Variants in ZNF420 observed in about 807,000 individuals in gnomAD.
The protein encoded by ZNF420 is ATM and p53-associated KZNF protein.
ZNF420 carries 31 observed loss-of-function variants against 44.7 expected under a neutral mutation model. The ratio of observed to expected loss-of-function variants is 0.69; its 90% CI spans 0.52 to 0.94. ZNF420 has a LOEUF of 0.94. Ranked by LOEUF, ZNF420 falls within the 40% of genes least tolerant of loss-of-function variation. The pLI, the probability that ZNF420 is intolerant of heterozygous loss-of-function variation, is 0.00. For synonymous variants in ZNF420, 245 were observed against 267.4 expected, an observed-to-expected ratio of 0.92 and a Z score of 0.82; for missense variants, 681 against 827.9, an observed-to-expected ratio of 0.82 and a Z score of 2.18.
At chr19:37,036,486 C>T (rs1349304970) in intron 1 of ZNF420, among the ~76,000 whole-genome samples, 1 of 152,188 alleles carries the variant, frequency 6.6e-6, no homozygotes, top group Non-Finnish European at 1.5e-5. Flanking sequence ...AGCACTGAGC[C>T]AGCAGGAAGG....
At chr19:37,017,678 TAA>T (rs1465970085) in intron 1 of ZNF420, among the ~76,000 whole-genome samples, 1 of 152,146 alleles carries the variant, frequency 6.6e-6, no homozygotes, top group Non-Finnish European at 1.5e-5. Context: ...GTCAACATAA[TAA>T]AAGTTTTATG....
At chr19:37,056,751 C>T (rs1967760792) in intron 1 of ZNF420, among the ~76,000 whole-genome samples, 1 of 152,222 alleles carries the variant, frequency 6.6e-6, no homozygotes, top group African/African-American at 2.4e-5. Context: ...AATCCAAAGA[C>T]CCGAGCAGGC....
At chr19:37,108,395 G>T (rs1970212212) in intron 4 of ZNF420, 1 of 152,304 alleles carries the variant, frequency 6.6e-6, no homozygotes, top group South Asian at 2.1e-4. Context: ...GCTGCCAATT[G>T]AAAGTTGAAT....
chr19:37,055,900 C>T (rs1967742430), intron 1 of ZNF420, among the ~76,000 whole-genome samples: 1 of 152,148 alleles, frequency 6.6e-6, no homozygotes, highest in South Asian at 2.1e-4. Context: ...AAAAGTCGTG[C>T]CCCACATCAT....
intron 4 of ZNF420, among the ~76,000 whole-genome samples, chr19:37,112,108 T>C (rs1256424080): frequency 6.6e-6 from 1 of 152,028 alleles, no homozygotes; most frequent in Non-Finnish European, 1.5e-5. Flanking sequence ...GGTTTTTCTG[T>C]TTTCCAAGTT....
chr19:37,102,352 G>A lies in ZNF420; in HGVS notation c.136+11231G>A, dbSNP rs191130613. On this transcript the variant is annotated intron_variant, in intron 4 of 4. Transcript: ENST00000337995. ...TCTTACTCTGGATCCTTGTATGAGC[G>A]GTTCTGAGCTGGCACCCCCAGCTGA... Among the ~76,000 whole-genome samples, 203 of 152,262 alleles carry A rather than the reference G, an allele frequency of 1.3e-3. 3 individuals are homozygous for A. The South Asian group carries it at 0.023, about 17-fold the overall frequency.
chr19:37,044,986 G>C (rs1261984472), intron 1 of ZNF420, among the ~76,000 whole-genome samples: 3 of 152,056 alleles, frequency 2.0e-5, no homozygotes, highest in East Asian at 3.9e-4. Flanking sequence ...ACCAAAATGG[G>C]GGCATTGGTG....
At chr19:37,116,404 C>T (rs539991626) in intron 4 of ZNF420, among the ~76,000 whole-genome samples, 51 of 150,772 alleles carry the variant, frequency 3.4e-4, no homozygotes, top group Non-Finnish European at 5.6e-4. Context: ...TGCACCATTT[C>T]GCCTCATCTC....
intron 4 of ZNF420, among the ~76,000 whole-genome samples, chr19:37,117,531 C>T (rs1212355204): frequency 6.6e-6 from 1 of 152,090 alleles, no homozygotes; most frequent in Non-Finnish European, 1.5e-5. Flanking sequence ...AAAAACAGAG[C>T]AGAAAAACTG....
chr19:37,056,234 C>T (rs1967751877), intron 1 of ZNF420, among the ~76,000 whole-genome samples: 1 of 152,126 alleles, frequency 6.6e-6, no homozygotes, highest in Non-Finnish European at 1.5e-5. Flanking sequence ...CCTCTTCGCT[C>T]CTCTGACAGG....
chr19:37,105,803 A>G (rs1970045656), intron 4 of ZNF420, among the ~76,000 whole-genome samples: 1 of 152,174 alleles, frequency 6.6e-6, no homozygotes, highest in Non-Finnish European at 1.5e-5. Context: ...AGTAATTGTG[A>G]ATGGGAGTTC....
At chr19:37,090,943 A>C (rs1969102666) in intron 3 of ZNF420, 52 bp from the exon 4 acceptor site, 2 of 1,581,728 alleles carry the variant, frequency 1.3e-6, no homozygotes, top group Admixed American at 3.7e-5. Context: ...GAAAGAAAAA[A>C]AGAAAAGCAT....
intron 1 of ZNF420, among the ~76,000 whole-genome samples, chr19:37,035,303 C>T (rs1967333879): frequency 6.6e-6 from 1 of 152,188 alleles, no homozygotes; most frequent in South Asian, 2.1e-4. Flanking sequence ...CTGCCTGATC[C>T]ATGAATCTCT....
intron 1 of ZNF420, among the ~76,000 whole-genome samples, chr19:37,012,876 C>T (rs1238103331): frequency 6.6e-6 from 1 of 151,086 alleles, no homozygotes; most frequent in Non-Finnish European, 1.5e-5. Context: ...TTTGTCTGTG[C>T]GCCCGTTTGC....
chr19:37,122,513 A>G (rs1265133748), intron 4 of ZNF420, among the ~76,000 whole-genome samples: 1 of 152,064 alleles, frequency 6.6e-6, no homozygotes, highest in African/African-American at 2.4e-5. Context: ...ACCTAATGCT[A>G]AATGACGAGT....
chr19:37,008,284 C>T (rs544725001), intron 1 of ZNF420, among the ~76,000 whole-genome samples: 2 of 151,976 alleles, frequency 1.3e-5, no homozygotes, highest in African/African-American at 4.8e-5. Flanking sequence ...ACTTTCTTCT[C>T]TCTCTCTCTC....
At chr19:37,054,307 G>A (rs1967702015) in intron 1 of ZNF420, among the ~76,000 whole-genome samples, 1 of 152,212 alleles carries the variant, frequency 6.6e-6, no homozygotes, top group Non-Finnish European at 1.5e-5. Context: ...TGCGCTTCCT[G>A]GGTGAGGTGA....
At chr19:37,073,514 G>A (rs1410676561), upstream of ZNF420, among the ~76,000 whole-genome samples, 5 of 152,142 alleles carry the variant, frequency 3.3e-5, no homozygotes, top group East Asian at 9.7e-4. Context: ...CTAGGCGGGT[G>A]GATCACTTGA....
chr19:37,114,781 G>A (rs904467020), intron 4 of ZNF420, among the ~76,000 whole-genome samples: 1 of 152,014 alleles, frequency 6.6e-6, no homozygotes, highest in African/African-American at 2.4e-5. Flanking sequence ...TCTCCTGTTT[G>A]AAACAGTTCT....
Sources: gnomAD v4.1 joint callset for allele counts (sites outside exome capture counted in the v4.1 genomes callset) on GRCh38, gnomAD v4.1.1 for gene constraint, MANE v1.5 for transcripts, NCBI Gene and HGNC (gene_info 2026-07-23, HGNC 2026-07-21) for gene names.